The following CALN1 variants were observed in gnomAD, a reference collection of about 807,000 sequenced individuals.
The protein encoded by CALN1 is calcium-binding protein 8.
A neutral mutation model predicts 30.6 loss-of-function variants in CALN1; 17 were observed. The ratio of observed to expected loss-of-function variants is 0.56; its 90% CI spans 0.38 to 0.83. CALN1 has a LOEUF of 0.83. CALN1 is among the 40% of genes least tolerant of loss of function. The pLI, the probability that CALN1 is intolerant of heterozygous loss-of-function variation, is 0.00. For synonymous variants in CALN1, 156 were observed against 131.4 expected (o/e 1.19, Z -1.28); for missense variants, 291 against 354.9 (o/e 0.82, Z 1.45).
At position 72,292,061 on chromosome 7, in the gene CALN1, T is replaced by C. The variant is rs1301765650; in HGVS notation, c.120-13251A>G. Among the ~76,000 whole-genome samples the C allele has an allele frequency of 2.0e-5, 3 of 151,962 alleles. 1 individual carries two copies. Among genetic ancestry groups the C allele is most frequent in the African/African-American group, 7.3e-5 (3 of 41,340 alleles). ...TGGGGAAACACAAACATTTAGTCCA[T>C]GAATAGTAAGTTGCTACTAGGTTGT... On this transcript the variant is annotated intron_variant, in intron 2 of 6. Coordinates refer to ENST00000395275, the MANE Select transcript of CALN1 (RefSeq NM_031468.4).
the CALN1 span, among the ~76,000 whole-genome samples, chr7:72,499,846 T>C: frequency 0.014 from 419 of 29,682 alleles, 7 homozygotes; most frequent in East Asian, 0.047. Context: ...TCTTTCTTTC[T>C]TTCTTTCTTT....
chr7:71,880,487 CT>C (rs1468975398), intron 5 of CALN1, among the ~76,000 whole-genome samples: 1 of 152,092 alleles, frequency 6.6e-6, no homozygotes, highest in African/African-American at 2.4e-5. Context: ...CCTCTCTTGC[CT>C]TTTCTTTCCC....
chr7:72,398,478 G>GCA (rs1183230931), intron 2 of CALN1, among the ~76,000 whole-genome samples: 1 of 152,190 alleles, frequency 6.6e-6, no homozygotes, highest in Non-Finnish European at 1.5e-5. Context: ...TATCAATAGT[G>GCA]CACATCCACT....
intron 3 of CALN1, among the ~76,000 whole-genome samples, chr7:72,208,994 TTCCTTCCC>T (rs1167782442): frequency 1.4e-5 from 2 of 145,438 alleles, no homozygotes; most frequent in Non-Finnish European, 3.0e-5. Context: ...ACTTCCTTCC[TTCCTTCCC>T]TCCTTCCCTC....
At chr7:72,487,734 A>AAAGAAAGAAAGAAAGGAAGGAAGGAAGG in the CALN1 span, among the ~76,000 whole-genome samples, 3 of 56,614 alleles carry the variant, frequency 5.3e-5, no homozygotes, top group African/African-American at 1.1e-4. Flanking sequence ...AGAAAGAAAG[A>AAAGAAAGAAAGAAAGGAAGGAAGGAAGG]AAGGAAGGAA....
At chr7:72,356,216 G>A (rs1287866707) in intron 2 of CALN1, among the ~76,000 whole-genome samples, 5 of 150,108 alleles carry the variant, frequency 3.3e-5, no homozygotes, top group African/African-American at 1.3e-4. Flanking sequence ...AAAAGATATG[G>A]TTTCAAATGG....
intron 4 of CALN1, among the ~76,000 whole-genome samples, chr7:72,037,403 G>T (rs1584797653): frequency 1.3e-5 from 2 of 152,026 alleles, no homozygotes; most frequent in African/African-American, 4.8e-5. Context: ...ACCCGCCTCG[G>T]CCTCCCAAAG....
intron 5 of CALN1, among the ~76,000 whole-genome samples, chr7:71,980,672 A>G (rs1798347765): frequency 6.6e-6 from 1 of 152,160 alleles, no homozygotes; most frequent in Non-Finnish European, 1.5e-5. Flanking sequence ...TGCAACATAA[A>G]TAAGGGAAAG....
chr7:71,816,331 C>CA (rs1339089977), intron 5 of CALN1, among the ~76,000 whole-genome samples: 2 of 152,096 alleles, frequency 1.3e-5, no homozygotes, highest in Admixed American at 1.3e-4. Flanking sequence ...GACATACACT[C>CA]AGAGAAAACT....
At chr7:72,253,226 AC>A (rs1795685705) in intron 3 of CALN1, among the ~76,000 whole-genome samples, 3 of 152,236 alleles carry the variant, frequency 2.0e-5, no homozygotes, top group Non-Finnish European at 4.4e-5. Context: ...AACTTGAAGA[AC>A]TAATGCAAAT....
chr7:71,919,829 C>G (rs1794849128), intron 5 of CALN1, among the ~76,000 whole-genome samples: 1 of 152,162 alleles, frequency 6.6e-6, no homozygotes, highest in East Asian at 1.9e-4. Context: ...TCCGCGAGGA[C>G]CTAGTTGAAG....
At chr7:72,311,493 T>A (rs1045887793) in intron 2 of CALN1, among the ~76,000 whole-genome samples, 8 of 151,912 alleles carry the variant, frequency 5.3e-5, no homozygotes, top group African/African-American at 1.5e-4. Flanking sequence ...TGTGTGTGTG[T>A]GTGTAAGACA....
intron 3 of CALN1, among the ~76,000 whole-genome samples, chr7:72,142,565 C>T (rs749437895): frequency 4.6e-5 from 7 of 152,196 alleles, no homozygotes; most frequent in Non-Finnish European, 1.0e-4. Flanking sequence ...CATAGCCGAA[C>T]AAAACGCAGC....
intron 4 of CALN1, among the ~76,000 whole-genome samples, chr7:72,045,655 A>G (rs1001853545): frequency 6.6e-6 from 1 of 152,026 alleles, no homozygotes; most frequent in Non-Finnish European, 1.5e-5. Flanking sequence ...CAGCCTCCTA[A>G]GTAGCTGGGA....
At chr7:72,307,896 CAA>C (rs59226068) in intron 2 of CALN1, among the ~76,000 whole-genome samples, 241 of 145,762 alleles carry the variant, frequency 1.7e-3, no homozygotes, top group South Asian at 5.6e-3. Context: ...AAGGCAGAGA[CAA>C]AAAAAAAAAA....
the CALN1 span, among the ~76,000 whole-genome samples, chr7:72,456,859 T>C: frequency 6.6e-6 from 1 of 151,686 alleles, no homozygotes; most frequent in Non-Finnish European, 1.5e-5. Context: ...AAAATAAACA[T>C]AAATAAAAAT....
intron 3 of CALN1, among the ~76,000 whole-genome samples, chr7:72,142,884 G>A (rs1202684259): frequency 6.6e-6 from 1 of 152,166 alleles, no homozygotes; most frequent in Non-Finnish European, 1.5e-5. Context: ...TGGACCTCCA[G>A]CAAACTCCAA....
rs1484350326 is a variant in CALN1 at position 72,382,754 on chromosome 7, T to TA, written c.119+20496dup. ...TCTGCATTAGTTCAACCTAGCATGA[T>TA]AGTCTCCCAGGTGCACCCATGTTGC... On this transcript the variant is annotated intron_variant, in intron 2 of 6. Coordinates refer to ENST00000395275, the MANE Select transcript of CALN1 (RefSeq NM_031468.4). 1.8e-4 allele frequency among the ~76,000 whole-genome samples: 27 copies of TA among 152,256 alleles called. 1 individual carries two copies. Among genetic ancestry groups the TA allele is most frequent in the Non-Finnish European group, 2.2e-4 (15 of 68,014 alleles).
At chr7:72,266,046 G>T (rs505511) in intron 3 of CALN1, among the ~76,000 whole-genome samples, 1 of 151,582 alleles carries the variant, frequency 6.6e-6, no homozygotes, top group Non-Finnish European at 1.5e-5. Flanking sequence ...AGGTGGGAGG[G>T]TCGCTTGAAC....
Sources: gnomAD v4.1 joint callset for allele counts (sites outside exome capture counted in the v4.1 genomes callset) on GRCh38, gnomAD v4.1.1 for gene constraint, MANE v1.5 for transcripts, NCBI Gene and HGNC (gene_info 2026-07-23, HGNC 2026-07-21) for gene names.